RPL8: variants seen among roughly 807,000 people sequenced by gnomAD.
RPL8 encodes the protein large ribosomal subunit protein uL2.
For synonymous variants in RPL8, 182 were observed against 143.2 expected, an observed-to-expected ratio of 1.27 and a Z score of -1.94; for missense variants, 248 against 365.9, an observed-to-expected ratio of 0.68 and a Z score of 2.63.
chr8:144,790,976 A>G, intron 3 of RPL8: 2 of 485,724 alleles, frequency 4.1e-6, no homozygotes, highest in Non-Finnish European at 7.6e-6. Flanking sequence ...CCTTCTCTAA[A>G]AAGGCTGTTA....
intron 3 of RPL8, 54 bp downstream of exon 3, chr8:144,791,223 C>G: frequency 6.4e-7 from 1 of 1,552,816 alleles, no homozygotes; most frequent in Non-Finnish European, 8.9e-7. Context: ...TCCACCGGCA[C>G]TCACAGCATG....
rs1826438824 is a variant in RPL8 at position 144,789,982 on chromosome 8, GC to G, written c.616-21del. On this transcript the variant is annotated intron_variant, in intron 4 of 4. Coordinates refer to ENST00000528957, the MANE Select transcript of RPL8 (RefSeq NM_001317782.2). ...CACAGGCTGCAGGCAGAGAAAGATGGCTTTAGAAACCTCTTCCCCACCACCC... is the reference window on the plus strand; with the variant it reads ...CACAGGCTGCAGGCAGAGAAAGATGGTTTAGAAACCTCTTCCCCACCACCC... The G allele has an allele frequency of 6.3e-7, 1 of 1,593,950 alleles. No individual in the cohort carries two copies. Among genetic ancestry groups the G allele is most frequent in the Admixed American group, 1.7e-5 (1 of 57,762 alleles).
At chr8:144,790,805 T>C in intron 3 of RPL8, 2 of 570,974 alleles carry the variant, frequency 3.5e-6, no homozygotes, top group Non-Finnish European at 6.6e-6. Flanking sequence ...ATCTCAGCTT[T>C]ACTTATTCCA....
intron 4 of RPL8, 42 bp downstream of exon 4, chr8:144,790,313 C>G (rs1274427585): frequency 1.3e-6 from 2 of 1,540,882 alleles, no homozygotes; most frequent in Non-Finnish European, 1.8e-6. Flanking sequence ...AGTGTGGCCA[C>G]TGTAACTTCA....
At position 144,791,259 on chromosome 8, in the gene RPL8, C is replaced by T. The variant is rs1457259977; in HGVS notation, c.499+18G>A. Reference sequence around the variant, plus strand: ...TTCACCCACAGCCCTCAGCATTCAACTGCTGCCTGATACTCACCAACCACA... The same window carrying T: ...TTCACCCACAGCCCTCAGCATTCAATTGCTGCCTGATACTCACCAACCACA... On this transcript the variant is annotated intron_variant, in intron 3 of 4. Coordinates refer to ENST00000528957, the MANE Select transcript of RPL8 (RefSeq NM_001317782.2). 1 of 1,609,524 alleles carries T rather than the reference C, an allele frequency of 6.2e-7. No homozygotes were observed. The highest frequency in any genetic ancestry group is 1.7e-5 in the Admixed American group (1 of 60,014).
intron 3 of RPL8, chr8:144,790,703 G>C: frequency 1.5e-6 from 1 of 684,120 alleles, no homozygotes; most frequent in Non-Finnish European, 2.7e-6. Flanking sequence ...TGCTGGCTGA[G>C]CTCCAAGCGC....
chr8:144,791,850 C>T lies in RPL8; in HGVS notation c.203G>A (p.Arg68Gln), dbSNP rs754706779. The change falls in exon 2 of 5, where the codon CGG (arginine) becomes CAG (glutamine). Residue 68 changes from arginine (R) to glutamine (Q), a missense_variant. Transcript: ENST00000528957. ...GAACAGCTCCGTCCGCTTCTTAAACCGATACGGATCCCGGAAGACCACCTT... is the reference window on the plus strand; with the variant it reads ...GAACAGCTCCGTCCGCTTCTTAAACTGATACGGATCCCGGAAGACCACCTT... The part of the protein sequence containing the change: ...LAKVVFRDPY[R>Q]FKKRTELFIA... 2.0e-5 allele frequency: 33 copies of T among 1,613,884 alleles called. No individual in the cohort carries two copies. The highest frequency in any genetic ancestry group is 2.7e-5 in the Non-Finnish European group (32 of 1,180,030).
chr8:144,790,670 G>A, intron 3 of RPL8, 200 bp from the exon 4 acceptor site: 1 of 693,286 alleles, frequency 1.4e-6, no homozygotes, highest in South Asian at 1.5e-5. Flanking sequence ...GCAAGCCAAG[G>A]CCCTCACCTC....
chr8:144,790,232 C>T, intron 4 of RPL8, 123 bp downstream of exon 4: 2 of 852,254 alleles, frequency 2.3e-6, no homozygotes, highest in East Asian at 2.6e-5. Context: ...TACAAACCAC[C>T]ACCTGCTGCT....
At position 144,792,266 on chromosome 8, in the gene RPL8, C is replaced by T. The variant is rs377249108; in HGVS notation, c.-137G>A. 8.0e-7 allele frequency: 1 copy of T among 1,257,196 alleles called. No homozygotes were observed. Among genetic ancestry groups the T allele is most frequent in the Non-Finnish European group, 1.0e-6 (1 of 972,502 alleles). 77.9% of individuals were successfully genotyped at this position (1,257,196 alleles called of 1,614,324 possible). A position where few individuals can be genotyped will look rare whatever the true frequency, so the allele number is the denominator to read the frequency against. On this transcript the variant is annotated 5_prime_UTR_variant, in exon 1 of 5. Transcript: ENST00000528957. ...CTACCCTCTCCGCGGGCGCCCGCACCGGCATCCTCTCAGGAGGGCCGGTCC... is the reference window on the plus strand; with the variant it reads ...CTACCCTCTCCGCGGGCGCCCGCACTGGCATCCTCTCAGGAGGGCCGGTCC...
At chr8:144,790,005 AC>A (rs113303499) in intron 4 of RPL8, 43 bp from the exon 5 acceptor site, 3 of 1,554,434 alleles carry the variant, frequency 1.9e-6, no homozygotes, top group Admixed American at 3.7e-5. Flanking sequence ...CTTCCCCACC[AC>A]CCCCGCCCCC....
chr8:144,791,117 G>A (rs1283365728), intron 3 of RPL8, 160 bp downstream of exon 3: 1 of 667,278 alleles, frequency 1.5e-6, no homozygotes, highest in African/African-American at 1.8e-5. Context: ...GTACAGTGAT[G>A]ACAACTGAGA....
chr8:144,791,798 G>C lies in RPL8; in HGVS notation c.255C>G (p.Gly85=). The part of the protein sequence containing the change: ...LFIAAEGIHT[G]QFVYCGKKAQ... The stretch of plus-strand genomic sequence containing the variant: ...CCTTCTTGCCGCAATACACAAACTG[G>C]CCCGTGTGAATGCCCTCGGCGGCAA... Residue 85 remains glycine (G), a synonymous_variant, in exon 2 of 5, where the codon GGC becomes GGG. Transcript: ENST00000528957. The C allele has an allele frequency of 6.2e-7, 1 of 1,613,932 alleles. No homozygotes were observed. Among genetic ancestry groups the C allele is most frequent in the Non-Finnish European group, 8.5e-7 (1 of 1,180,026 alleles).
rs1586752174 is a variant in RPL8, at chr8:144,791,911, T to C, written c.142A>G (p.Ile48Val). 3 of 1,612,988 alleles carry C rather than the reference T, an allele frequency of 1.9e-6. No homozygotes were observed. The highest frequency in any genetic ancestry group is 2.5e-6 in the Non-Finnish European group (3 of 1,179,854). ...HGYIKGIVKDIIHDPGRGAPL... is the reference protein window; with the variant it reads ...HGYIKGIVKDVIHDPGRGAPL... ...GCGCCGCGGCCCGGGTCGTGGATGA[T>C]GTCCTGTGGGCAGAGGCGGCGTGAG... The change falls in exon 2 of 5, where the codon ATC becomes GTC. Residue 48 changes from isoleucine (I) to valine (V), a missense_variant. Coordinates refer to ENST00000528957, the MANE Select transcript of RPL8 (RefSeq NM_001317782.2).
At position 144,789,979 on chromosome 8, in the gene RPL8, A is replaced by G. The variant is rs372899159; in HGVS notation, c.616-17T>C. 9 of 1,596,706 alleles carry G rather than the reference A, an allele frequency of 5.6e-6. No individual in the cohort carries two copies. The highest frequency in any genetic ancestry group is 1.3e-5 in the African/African-American group (1 of 74,284). ...CTCCACAGGCTGCAGGCAGAGAAAG[A>G]TGGCTTTAGAAACCTCTTCCCCACC... On this transcript the variant is annotated splice_polypyrimidine_tract_variant and intron_variant, in intron 4 of 4. Transcript: ENST00000528957.
chr8:144,791,714 C>T, intron 2 of RPL8, 59 bp downstream of exon 2: 1 of 1,608,978 alleles, frequency 6.2e-7, no homozygotes, highest in South Asian at 1.1e-5. Flanking sequence ...ACGTTAACTC[C>T]TCAGGCAACA....
At chr8:144,790,002 A>G in intron 4 of RPL8, 40 bp from the exon 5 acceptor site, 1 of 1,562,762 alleles carries the variant, frequency 6.4e-7, no homozygotes, top group Non-Finnish European at 8.6e-7. Flanking sequence ...CCTCTTCCCC[A>G]CCACCCCCGC....
At chr8:144,790,954 A>AC (rs1826489139) in intron 3 of RPL8, 1 of 467,462 alleles carries the variant, frequency 2.1e-6, no homozygotes, top group Admixed American at 3.2e-5. Flanking sequence ...AGAAAGCCAC[A>AC]ATCTCTCCCT....
chr8:144,791,742 C>T (rs1826528989), intron 2 of RPL8, 31 bp downstream of exon 2: 1 of 1,612,418 alleles, frequency 6.2e-7, no homozygotes, highest in African/African-American at 1.3e-5. Flanking sequence ...CCCTCCCCAC[C>T]CCGACCTTCC....
Sources: gnomAD v4.1 joint callset for allele counts on GRCh38, gnomAD v4.1.1 for gene constraint, MANE v1.5 for transcripts, NCBI Gene and HGNC (gene_info 2026-07-23, HGNC 2026-07-21) for gene names.